SAMD12: variants seen among roughly 807,000 people sequenced by gnomAD.
SAMD12 encodes sterile alpha motif domain-containing protein 12.
In SAMD12, 9 loss-of-function variants were observed where a neutral mutation model predicts 15.0. The observed-to-expected ratio is 0.60, with a 90% confidence interval of 0.36 to 1.05. SAMD12 has a LOEUF of 1.05. Ranked by LOEUF, SAMD12 falls within the 50% of genes least tolerant of loss-of-function variation. The probability of loss-of-function intolerance (pLI) is 0.01; values close to 1 mark genes in which losing one functional copy is unlikely to be tolerated. For missense variants in SAMD12, 230 were observed against 234.2 expected, an observed-to-expected ratio of 0.98 and a Z score of 0.12; for synonymous variants, 86 against 90.1, an observed-to-expected ratio of 0.96 and a Z score of 0.25.
chr8:118,270,398 G>C (rs1813326733), intron 4 of SAMD12, among the ~76,000 whole-genome samples: 1 of 152,078 alleles, frequency 6.6e-6, no homozygotes, highest in Non-Finnish European at 1.5e-5. Context: ...AAGTAGCCGA[G>C]TCCTCTTGCT....
intron 4 of SAMD12, among the ~76,000 whole-genome samples, chr8:118,203,774 T>A (rs1439926848): frequency 1.5e-5 from 2 of 133,628 alleles, no homozygotes; most frequent in Non-Finnish European, 3.2e-5. Flanking sequence ...ATGTTCCCCT[T>A]CCTGTGTCCA....
At chr8:118,589,406 G>A (rs570410171) in intron 1 of SAMD12, among the ~76,000 whole-genome samples, 3 of 152,122 alleles carry the variant, frequency 2.0e-5, no homozygotes, top group African/African-American at 2.4e-5. Flanking sequence ...AAAACAGTTC[G>A]CTATAATGGA....
chr8:118,585,481 TA>T (rs1408504439), intron 1 of SAMD12, among the ~76,000 whole-genome samples: 1 of 152,148 alleles, frequency 6.6e-6, no homozygotes, highest in Non-Finnish European at 1.5e-5. Context: ...AATAAAAACT[TA>T]AAAACCCCAC....
intron 4 of SAMD12, among the ~76,000 whole-genome samples, chr8:118,292,349 G>GACACACACACACACACAGAC (rs1814429481): frequency 7.3e-6 from 1 of 137,624 alleles, no homozygotes. Context: ...CAAACACACA[G>GACACACACACACACACAGAC]ACACACACAC....
intron 4 of SAMD12, among the ~76,000 whole-genome samples, chr8:118,203,583 T>A (rs1323978599): frequency 1.3e-5 from 2 of 152,108 alleles, no homozygotes; most frequent in Non-Finnish European, 1.5e-5. Context: ...TTTCTTTTTT[T>A]AATTCTATTT....
chr8:118,184,214 A>T, the SAMD12 span, among the ~76,000 whole-genome samples: 2 of 152,256 alleles, frequency 1.3e-5, no homozygotes, highest in African/African-American at 4.8e-5. Flanking sequence ...ATTTTCACAG[A>T]GCAGCATCAT....
In SAMD12 at chr8:118,508,871, C is replaced by T. The variant is rs1381998788; in HGVS notation, c.193-68910G>A. Among the ~76,000 whole-genome samples the T allele has an allele frequency of 2.6e-5, 4 of 152,234 alleles. No homozygotes were observed. In the East Asian group the frequency reaches 7.7e-4, roughly 29 times the overall value. ...CTTTGAACATAATTCCAGGCCTAGG[C>T]AACACTAAAAATGGAACTTTAATGT... is the stretch of plus-strand genomic sequence containing the variant. On this transcript the variant is annotated intron_variant, in intron 2 of 3. Coordinates refer to ENST00000314727, the MANE Select transcript of SAMD12 (RefSeq NM_207506.3).
rs190502763 is a variant in SAMD12, at chr8:118,245,249, G to C, written c.434-47517C>G. Among the ~76,000 whole-genome samples the C allele has an allele frequency of 2.0e-5, 3 of 152,214 alleles. No homozygotes were observed. In the East Asian group the frequency reaches 5.8e-4, roughly 29 times the overall value. ...ATATCAAAGTTTACTAAGAAGCCTC[G>C]AGTTTCTGTGATTAGACACTGAGGT... On this transcript the variant is annotated intron_variant, in intron 4 of 4. Coordinates refer to the SAMD12 transcript ENST00000409003.
At chr8:118,260,362 AGTAGCTCTATTATCTGGGCTCTTAT>A (rs1813048919) in intron 4 of SAMD12, among the ~76,000 whole-genome samples, 1 of 152,124 alleles carries the variant, frequency 6.6e-6, no homozygotes, top group African/African-American at 2.4e-5. Flanking sequence ...TACTGAAGCT[AGTAGCTCTATTATCTGGGCTCTTAT>A]GTTATTATGT....
chr8:118,231,065 G>C (rs1303958350), intron 4 of SAMD12, among the ~76,000 whole-genome samples: 1 of 152,208 alleles, frequency 6.6e-6, no homozygotes, highest in Non-Finnish European at 1.5e-5. Flanking sequence ...AATCCAGGCA[G>C]GGAAGAGGGT....
intron 2 of SAMD12, among the ~76,000 whole-genome samples, chr8:118,457,993 T>C (rs1823310060): frequency 6.6e-6 from 1 of 152,242 alleles, no homozygotes; most frequent in African/African-American, 2.4e-5. Context: ...CTCACTTGGC[T>C]CTTGAATTCT....
the SAMD12 span, among the ~76,000 whole-genome samples, chr8:118,171,709 G>A: frequency 0.049 from 7,290 of 150,108 alleles, 582 homozygotes; most frequent in African/African-American, 0.17. Context: ...AATGGGGAGT[G>A]GCTGCTAATG....
chr8:118,427,266 C>T (rs1319152682), intron 3 of SAMD12, among the ~76,000 whole-genome samples: 8 of 152,052 alleles, frequency 5.3e-5, no homozygotes, highest in African/African-American at 4.8e-5. Context: ...CAGGATAACA[C>T]GTTCATCTTT....
At chr8:118,525,807 T>G (rs917344201) in intron 2 of SAMD12, among the ~76,000 whole-genome samples, 11 of 152,192 alleles carry the variant, frequency 7.2e-5, no homozygotes, top group Admixed American at 3.9e-4. Context: ...CATGTCTCTA[T>G]GAAGTTAGGT....
intron 4 of SAMD12, among the ~76,000 whole-genome samples, chr8:118,217,764 G>C (rs1021320050): frequency 6.6e-6 from 1 of 152,158 alleles, no homozygotes; most frequent in African/African-American, 2.4e-5. Context: ...ATTGTACAAG[G>C]CTATGTCCAA....
At chr8:118,590,376 G>A (rs559725827) in intron 1 of SAMD12, among the ~76,000 whole-genome samples, 1 of 152,292 alleles carries the variant, frequency 6.6e-6, no homozygotes, top group Admixed American at 6.5e-5. Context: ...TTCCATCTCT[G>A]TCAATTGGTA....
At chr8:118,427,304 A>T (rs1232083938) in intron 3 of SAMD12, among the ~76,000 whole-genome samples, 4 of 152,256 alleles carry the variant, frequency 2.6e-5, no homozygotes, top group African/African-American at 9.6e-5. Flanking sequence ...TGTAGTTTAA[A>T]AAATGGAAAA....
At chr8:118,176,941 T>C in the SAMD12 span, among the ~76,000 whole-genome samples, 4 of 152,182 alleles carry the variant, frequency 2.6e-5, no homozygotes, top group East Asian at 1.9e-4. Context: ...AAGTGGTCAT[T>C]TGGGTGATGA....
At chr8:118,356,735 T>C (rs1178100063) in intron 4 of SAMD12, among the ~76,000 whole-genome samples, 3 of 152,164 alleles carry the variant, frequency 2.0e-5, no homozygotes, top group Non-Finnish European at 4.4e-5. Context: ...CAAAGGGACC[T>C]CAAACCTCAC....
Sources: allele counts gnomAD v4.1 joint callset (sites outside exome capture counted in the v4.1 genomes callset), GRCh38; gene constraint gnomAD v4.1.1; transcripts MANE v1.5; gene names NCBI Gene and HGNC (gene_info 2026-07-23, HGNC 2026-07-21).